ATXN1: variants seen among roughly 807,000 people sequenced by gnomAD.
The protein encoded by ATXN1 is ataxin 1.
In ATXN1, 8 loss-of-function variants were observed where a neutral mutation model predicts 56.4. The observed-to-expected ratio is 0.14, with a 90% CI of 0.08 to 0.26. The LOEUF is 0.26. Among genes scored for constraint, ATXN1 ranks in the 10% least tolerant of loss-of-function variants. ATXN1 has a pLI of 1.00. For missense variants in ATXN1, 987 were observed against 1,106.5 expected (o/e 0.89, Z 1.53); for synonymous variants, 514 against 494.6 (o/e 1.04, Z -0.52).
At chr6:16,313,623 C>T (rs141892482) in intron 7 of ATXN1, among the ~76,000 whole-genome samples, 85 of 151,440 alleles carry the variant, frequency 5.6e-4, no homozygotes, top group African/African-American at 2.0e-3. Context: ...GTGGCACCAT[C>T]TCAGCTCACT....
At chr6:16,562,506 G>C (rs1461382204) in intron 4 of ATXN1, among the ~76,000 whole-genome samples, 1 of 149,034 alleles carries the variant, frequency 6.7e-6, no homozygotes, top group Non-Finnish European at 1.5e-5. Flanking sequence ...GAAAGGAAAG[G>C]AAAAAGAAAA....
chr6:16,697,661 T>C (rs986122173), intron 2 of ATXN1, among the ~76,000 whole-genome samples: 3 of 150,140 alleles, frequency 2.0e-5, no homozygotes, highest in African/African-American at 7.4e-5. Context: ...TCCCCAAATG[T>C]TTTTAATTGA....
rs181257710 is a variant in ATXN1 at position 16,702,155 on chromosome 6, G to C, written c.-614-44254C>G. On this transcript the variant is annotated intron_variant, in intron 2 of 7. Coordinates refer to ENST00000436367, the MANE Select transcript of ATXN1 (RefSeq NM_001128164.2). The stretch of plus-strand genomic sequence containing the variant: ...AACAGAGATATAGACCAATGGAACA[G>C]AACAGAGCCCTCAGAAATAATGCCA... Among the ~76,000 whole-genome samples, 421 of 152,160 alleles carry C rather than the reference G, an allele frequency of 2.8e-3. 1 individual carries two copies. Among genetic ancestry groups the C allele is most frequent in the African/African-American group, 9.3e-3 (388 of 41,504 alleles).
intron 6 of ATXN1, among the ~76,000 whole-genome samples, chr6:16,334,226 G>T (rs924758223): frequency 5.3e-5 from 8 of 152,152 alleles, no homozygotes; most frequent in African/African-American, 1.9e-4. Flanking sequence ...GGAAGTGATG[G>T]TACCAAACCA....
At chr6:16,376,085 T>C (rs1428312454) in intron 6 of ATXN1, among the ~76,000 whole-genome samples, 8 of 152,236 alleles carry the variant, frequency 5.3e-5, no homozygotes, top group Non-Finnish European at 1.0e-4. Context: ...TACATAAGCC[T>C]ACAAAAGGGA....
intron 2 of ATXN1, among the ~76,000 whole-genome samples, chr6:16,709,470 T>C (rs1759479003): frequency 6.6e-6 from 1 of 152,152 alleles, no homozygotes. Flanking sequence ...ATCCTGATTG[T>C]GGTGGTAGTT....
intron 3 of ATXN1, among the ~76,000 whole-genome samples, chr6:16,589,622 C>T (rs145031577): frequency 1.2e-4 from 18 of 152,162 alleles, no homozygotes; most frequent in African/African-American, 3.1e-4. Context: ...AGGGTTGTTA[C>T]GAGAGTTAAC....
chr6:16,753,101 A>G lies in ATXN1; in HGVS notation c.-615+132T>C, dbSNP rs1760773500. 3 of 372,294 alleles carry G rather than the reference A, an allele frequency of 8.1e-6. No individual in the cohort carries two copies. In the Admixed American group the frequency reaches 1.0e-4, roughly 12 times the overall value. The allele number at this position is 372,294 out of a possible 1,614,324, so 23.1% of individuals were successfully genotyped here. ...TGGCAATTTCTCAACTTCCCACACT[A>G]TGCCCAAACAGAGTTTGCAAAGAAA... On this transcript the variant is annotated intron_variant, in intron 2 of 7. Transcript: ENST00000436367.
intron 6 of ATXN1, among the ~76,000 whole-genome samples, chr6:16,421,872 A>G (rs1759041952): frequency 6.6e-6 from 1 of 152,198 alleles, no homozygotes; most frequent in South Asian, 2.1e-4. Context: ...TGCAGGGGCA[A>G]TATGGAAAAA....
chr6:16,674,753 G>C (rs1323868030), intron 2 of ATXN1, among the ~76,000 whole-genome samples: 2 of 152,114 alleles, frequency 1.3e-5, no homozygotes, highest in Non-Finnish European at 2.9e-5. Context: ...GTAGACCAAA[G>C]AGATCATTCA....
At chr6:16,335,250 A>T (rs551678092) in intron 6 of ATXN1, among the ~76,000 whole-genome samples, 1 of 152,306 alleles carries the variant, frequency 6.6e-6, no homozygotes, top group African/African-American at 2.4e-5. Flanking sequence ...GTGGAGCTTC[A>T]TGGGGCAGGC....
intron 4 of ATXN1, among the ~76,000 whole-genome samples, chr6:16,549,527 T>C (rs572409277): frequency 6.6e-6 from 1 of 152,246 alleles, no homozygotes; most frequent in South Asian, 2.1e-4. Context: ...CCAGCTCCCA[T>C]ATAGGTGTCT....
At chr6:16,564,283 G>A (rs370053403) in intron 4 of ATXN1, among the ~76,000 whole-genome samples, 1 of 150,892 alleles carries the variant, frequency 6.6e-6, no homozygotes, top group African/African-American at 2.5e-5. Context: ...GAGAGAGGAG[G>A]CCATCGTGAA....
intron 3 of ATXN1, among the ~76,000 whole-genome samples, chr6:16,614,569 A>T (rs913363161): frequency 7.9e-5 from 12 of 151,666 alleles, no homozygotes; most frequent in Admixed American, 7.2e-4. Context: ...TGCCACAGTA[A>T]AAGATATCTA....
chr6:16,551,761 A>T (rs1252068957), intron 4 of ATXN1, among the ~76,000 whole-genome samples: 1 of 152,218 alleles, frequency 6.6e-6, no homozygotes, highest in Non-Finnish European at 1.5e-5. Context: ...GTCTCTACAC[A>T]GCTATCCTGC....
Position 16,411,959 on chromosome 6 carries a change from G to GCT in ATXN1, c.-161+74011_-161+74012dup, listed in dbSNP as rs1046746928. Reference sequence around the variant, plus strand: ...AGGTTATCTTGAATGTTTTAACTCAGCTCTCTCTCTCGCACTATCTTGCTT... The same window carrying GCT: ...AGGTTATCTTGAATGTTTTAACTCAGCTCTCTCTCTCTCGCACTATCTTGCTT... On this transcript the variant is annotated intron_variant, in intron 6 of 7. Coordinates refer to ENST00000436367, the MANE Select transcript of ATXN1 (RefSeq NM_001128164.2). 4.6e-5 allele frequency among the ~76,000 whole-genome samples: 7 copies of GCT among 152,150 alleles called. No individual in the cohort carries two copies. In the South Asian group the frequency reaches 1.0e-3, roughly 23 times the overall value.
At position 16,709,743 on chromosome 6, in the gene ATXN1, C is replaced by T. The variant is rs1759484722; in HGVS notation, c.-615+43490G>A. Among the ~76,000 whole-genome samples the T allele has an allele frequency of 2.0e-5, 3 of 152,106 alleles. No homozygotes were observed. The South Asian group carries it at 6.2e-4, about 32-fold the overall frequency. On this transcript the variant is annotated intron_variant, in intron 2 of 7. Transcript: ENST00000436367. Reference sequence around the variant, plus strand: ...AGTATTACTAACACTAACACTAAACCCTAGTAAATATTATATAAAGAAACA... The same window carrying T: ...AGTATTACTAACACTAACACTAAACTCTAGTAAATATTATATAAAGAAACA...
intron 4 of ATXN1, among the ~76,000 whole-genome samples, chr6:16,545,706 TAGG>T (rs1442226813): frequency 2.6e-5 from 4 of 152,198 alleles, no homozygotes; most frequent in Non-Finnish European, 4.4e-5. Context: ...GTTTGCGCTA[TAGG>T]AGAAGAGTTG....
chr6:16,341,763 C>T (rs1270449829), intron 6 of ATXN1, among the ~76,000 whole-genome samples: 2 of 152,036 alleles, frequency 1.3e-5, no homozygotes, highest in African/African-American at 4.8e-5. Flanking sequence ...TCTTGATCTG[C>T]CTGCCTCGGC....
Sources: allele counts gnomAD v4.1 joint callset (sites outside exome capture counted in the v4.1 genomes callset), GRCh38; gene constraint gnomAD v4.1.1; transcripts MANE v1.5; gene names NCBI Gene and HGNC (gene_info 2026-07-23, HGNC 2026-07-21).